Variants in SYT7 observed in about 807,000 individuals in gnomAD.
SYT7 encodes synaptotagmin-7.
SYT7 carries 29 observed loss-of-function variants against 75.1 expected under a neutral mutation model. That is an observed-to-expected ratio of 0.39 (90% CI 0.29 to 0.53). The LOEUF is 0.53. SYT7 is among the 20% of genes least tolerant of loss of function. The pLI is 0.77. For synonymous variants in SYT7, 376 were observed against 401.7 expected, an observed-to-expected ratio of 0.94 and a Z score of 0.76; for missense variants, 693 against 953.2, an observed-to-expected ratio of 0.73 and a Z score of 3.59.
Position 61,518,449 on chromosome 11 carries a change from A to T in SYT7, c.*178T>A. The T allele has an allele frequency of 2.2e-6, 1 of 461,290 alleles. No individual in the cohort carries two copies. Among genetic ancestry groups the T allele is most frequent in the Non-Finnish European group, 3.9e-6 (1 of 259,472 alleles). 28.6% of individuals were successfully genotyped at this position (461,290 alleles called of 1,614,324 possible). A position where few individuals can be genotyped will look rare whatever the true frequency, so the allele number is the denominator to read the frequency against. On this transcript the variant is annotated 3_prime_UTR_variant, in exon 13 of 13. Coordinates refer to ENST00000539008, the MANE Select transcript of SYT7 (RefSeq NM_001365809.2). ...CTTCCCCGGAGCTGGACTGTGGGGG[A>T]TGGGGCTGGTACTTCCTAGAAACGG...
upstream of SYT7, among the ~76,000 whole-genome samples, chr11:61,586,057 C>A (rs923139598): frequency 6.6e-6 from 1 of 152,160 alleles, no homozygotes. Context: ...TAGCTATAGG[C>A]CCCCAAGGGT....
At position 61,576,767 on chromosome 11, in the gene SYT7, G is replaced by A. The variant is rs374562852; in HGVS notation, c.31+4023C>T. Among the ~76,000 whole-genome samples, 13 of 152,212 alleles carry A rather than the reference G, an allele frequency of 8.5e-5. No homozygotes were observed. The South Asian group carries it at 2.5e-3, about 29-fold the overall frequency. ...GCAGGAGGGGGAGGGAACCATATAC[G>A]GCTCCTCTGCCTGTTCCACACAACA... On this transcript the variant is annotated intron_variant, in intron 1 of 12. Coordinates refer to ENST00000539008, the MANE Select transcript of SYT7 (RefSeq NM_001365809.2). This position sits in a 1 kb window ranked among gnomAD's most constrained non-coding sequence, Gnocchi z 4.1.
intron 1 of SYT7, among the ~76,000 whole-genome samples, chr11:61,559,638 C>A (rs979405528): frequency 4.6e-5 from 7 of 152,090 alleles, no homozygotes; most frequent in Non-Finnish European, 1.0e-4. Flanking sequence ...CCACACTCCC[C>A]CCTCCCCCAT....
intron 7 of SYT7, 114 bp from the exon 8 acceptor site, chr11:61,533,238 C>T (rs777105965): frequency 2.9e-5 from 43 of 1,459,784 alleles, no homozygotes; most frequent in South Asian, 2.9e-4. Flanking sequence ...CCATGCCCGG[C>T]GGGCCGGCAG....
At chr11:61,521,307 G>T (rs979244537) in intron 12 of SYT7, among the ~76,000 whole-genome samples, 22 of 152,246 alleles carry the variant, frequency 1.4e-4, no homozygotes, top group Admixed American at 3.9e-4. Context: ...GCCAACAGAA[G>T]GTAGGCCTGT....
chr11:61,574,609 C>T (rs2064016507), intron 1 of SYT7, among the ~76,000 whole-genome samples: 1 of 151,826 alleles, frequency 6.6e-6, no homozygotes, highest in Non-Finnish European at 1.5e-5. Flanking sequence ...GGCTGCCATC[C>T]CTGACCCCCA....
chr11:61,552,287 A>T (rs1565194008), intron 2 of SYT7, among the ~76,000 whole-genome samples: 1 of 152,118 alleles, frequency 6.6e-6, no homozygotes, highest in East Asian at 1.9e-4. Flanking sequence ...AGCCCCATTA[A>T]CATTCCTGGC....
At position 61,513,774 on chromosome 11, in the gene SYT7, C is replaced by G. The variant is rs1162720800; in HGVS notation, c.*4853G>C. On this transcript the variant is annotated 3_prime_UTR_variant, in exon 13 of 13. Transcript: ENST00000539008. ...GGGCGTGCCACATGGAACATGTATGCAGACAGGGATCCCTGCCCAGGGGGC... is the reference window on the plus strand; with the variant it reads ...GGGCGTGCCACATGGAACATGTATGGAGACAGGGATCCCTGCCCAGGGGGC... Among the ~76,000 whole-genome samples, 1 of 152,222 alleles carries G rather than the reference C, an allele frequency of 6.6e-6. No homozygotes were observed. Among genetic ancestry groups the G allele is most frequent in the East Asian group, 1.9e-4 (1 of 5,194 alleles).
In SYT7 at chr11:61,524,832, G is replaced by T. The variant is rs1392823932; in HGVS notation, c.1472-300C>A. 3.6e-6 allele frequency: 1 copy of T among 280,002 alleles called. No homozygotes were observed. Among genetic ancestry groups the T allele is most frequent in the African/African-American group, 2.2e-5 (1 of 44,536 alleles). 17.3% of individuals were successfully genotyped at this position (280,002 alleles called of 1,614,324 possible). A position where few individuals can be genotyped will look rare whatever the true frequency, so the allele number is the denominator to read the frequency against. ...CTCCCAGCTAGTAAAGAGTAGAACT[G>T]CGATCATCCATTCACCCATGCACCT... On this transcript the variant is annotated intron_variant, in intron 9 of 12. Transcript: ENST00000539008. This position sits in a 1 kb window ranked among gnomAD's most constrained non-coding sequence, Gnocchi z 4.1.
intron 1 of SYT7, 31 bp from the exon 2 acceptor site, chr11:61,556,238 A>T: frequency 6.3e-7 from 1 of 1,581,892 alleles, no homozygotes. Context: ...TCACACCCTC[A>T]TTGGCCAGGG....
chr11:61,580,641 G>T lies in SYT7; in HGVS notation c.31+149C>A. ...GTCCGAGCCGCTGCCGCTCGATCCC[G>T]CGCCCCCGGGGCTGGGATGACCCCT... On this transcript the variant is annotated intron_variant, in intron 1 of 12. Coordinates refer to ENST00000539008, the MANE Select transcript of SYT7 (RefSeq NM_001365809.2). The surrounding 1 kb of genome is among the most constrained non-coding windows in gnomAD (Gnocchi z 6.1). 2.4e-6 allele frequency: 1 copy of T among 422,786 alleles called. No individual in the cohort carries two copies. Among genetic ancestry groups the T allele is most frequent in the Non-Finnish European group, 3.7e-6 (1 of 267,570 alleles). The allele number at this position is 422,786 out of a possible 1,614,324, so 26.2% of individuals were successfully genotyped here.
At chr11:61,560,684 G>A (rs989699715) in intron 1 of SYT7, among the ~76,000 whole-genome samples, 2 of 152,194 alleles carry the variant, frequency 1.3e-5, no homozygotes, top group African/African-American at 2.4e-5. Context: ...CCATCAAGGG[G>A]TGCAAGCATG....
At chr11:61,518,864 C>G in intron 12 of SYT7, 133 bp from the exon 13 acceptor site, 1 of 541,602 alleles carries the variant, frequency 1.8e-6, no homozygotes, top group East Asian at 3.3e-5. Flanking sequence ...GCTGTGACAA[C>G]CTACCCCACA....
chr11:61,584,089 C>T (rs1245010740), upstream of SYT7, among the ~76,000 whole-genome samples: 1 of 152,158 alleles, frequency 6.6e-6, no homozygotes, highest in African/African-American at 2.4e-5. Flanking sequence ...AATCAAATCA[C>T]TTAAAATGAT....
chr11:61,514,467 G>C lies in SYT7; in HGVS notation c.*4160C>G, dbSNP rs1347549290. 6.6e-6 allele frequency among the ~76,000 whole-genome samples: 1 copy of C among 152,250 alleles called. No individual in the cohort carries two copies. Among genetic ancestry groups the C allele is most frequent in the African/African-American group, 2.4e-5 (1 of 41,464 alleles). ...GATGGCCCGCTTCACTCCTGGTGGG[G>C]GCAGGGGCCAGCAGGTGGACACATG... On this transcript the variant is annotated 3_prime_UTR_variant, in exon 13 of 13. Transcript: ENST00000539008.
chr11:61,540,396 T>C (rs2063007277), intron 6 of SYT7: 8 of 573,834 alleles, frequency 1.4e-5, no homozygotes, highest in Non-Finnish European at 1.8e-5. Flanking sequence ...GAGCTAAGAG[T>C]GGTTTTTACA....
intron 7 of SYT7, chr11:61,533,590 C>T (rs1024766059): frequency 3.6e-5 from 35 of 985,298 alleles, no homozygotes; most frequent in Non-Finnish European, 3.7e-5. Context: ...ATGTCTGTTT[C>T]CCAGATGCCC....
At position 61,515,518 on chromosome 11, in the gene SYT7, T is replaced by TG. The variant is rs2062128400; in HGVS notation, c.*3108_*3109insC. On this transcript the variant is annotated 3_prime_UTR_variant, in exon 13 of 13. Transcript: ENST00000539008. ...TCTCTTCGCTGCAAAATTTTTTTTT[T>TG]TGTGATGGTGGGTTTTTGTTTTATT... 1.3e-5 allele frequency: 2 copies of TG among 152,498 alleles called. No individual in the cohort carries two copies. The highest frequency in any genetic ancestry group is 4.2e-4 in the South Asian group (2 of 4,808). 9.4% of individuals were successfully genotyped at this position (152,498 alleles called of 1,614,324 possible).
intron 2 of SYT7, among the ~76,000 whole-genome samples, chr11:61,552,122 AG>A (rs780330558): frequency 1.1e-4 from 17 of 152,052 alleles, no homozygotes; most frequent in Non-Finnish European, 2.2e-4. Flanking sequence ...TCACACTAGC[AG>A]GGGGAGGGAG....
Sources: gnomAD v4.1 joint callset for allele counts (sites outside exome capture counted in the v4.1 genomes callset) on GRCh38, gnomAD v4.1.1 for gene constraint, Gnocchi (gnomAD v3.1) non-coding constraint, MANE v1.5 for transcripts, NCBI Gene and HGNC (gene_info 2026-07-23, HGNC 2026-07-21) for gene names.